Variants in CUX2 observed in about 807,000 individuals in gnomAD.
CUX2 encodes cut like homeobox 2, also known as homeobox protein cut-like 2.
A neutral mutation model predicts 144.8 loss-of-function variants in CUX2; 40 were observed. The observed-to-expected ratio is 0.28, with a 90% CI of 0.21 to 0.36. The LOEUF is 0.36. Ranked by LOEUF, CUX2 falls within the 10% of genes least tolerant of loss-of-function variation. The probability of loss-of-function intolerance (pLI) is 1.00; values close to 1 mark genes in which losing one functional copy is unlikely to be tolerated. For missense variants in CUX2, 1,615 were observed against 1,994.0 expected, an observed-to-expected ratio of 0.81 and a Z score of 3.62; for synonymous variants, 827 against 875.6, an observed-to-expected ratio of 0.94 and a Z score of 0.98.
In CUX2 at chr12:111,308,549, G is replaced by A. The variant is rs764054808; in HGVS notation, c.1258+23G>A. ...CTGGTAGGGGAGGAGGATACTCTGG[G>A]GCTGAGGGCTGGGGCGGGGGCTGCC... is the stretch of plus-strand genomic sequence containing the variant. On this transcript the variant is annotated intron_variant, in intron 14 of 21. Transcript: ENST00000261726. 5 of 1,587,080 alleles carry A rather than the reference G, an allele frequency of 3.2e-6. No homozygotes were observed. In the South Asian group the frequency reaches 5.7e-5, roughly 18 times the overall value.
intron 1 of CUX2, among the ~76,000 whole-genome samples, chr12:111,205,355 T>C (rs927310731): frequency 3.3e-5 from 5 of 152,172 alleles, no homozygotes; most frequent in Non-Finnish European, 7.4e-5. Flanking sequence ...AGCAAAATCC[T>C]GAAGGACCTC....
intron 4 of CUX2, among the ~76,000 whole-genome samples, chr12:111,267,614 C>G (rs1884450606): frequency 6.6e-6 from 1 of 152,194 alleles, no homozygotes; most frequent in Non-Finnish European, 1.5e-5. Flanking sequence ...CTTAAAACAA[C>G]AGAGATTCAT....
chr12:111,343,386 G>A (rs754145575), intron 21 of CUX2, among the ~76,000 whole-genome samples: 3 of 152,008 alleles, frequency 2.0e-5, no homozygotes, highest in Admixed American at 6.6e-5. Context: ...AGAACACTTG[G>A]GGGGATTTCA....
At chr12:111,332,935 C>G (rs575486696) in intron 18 of CUX2, among the ~76,000 whole-genome samples, 2 of 152,302 alleles carry the variant, frequency 1.3e-5, no homozygotes, top group East Asian at 3.9e-4. Context: ...TGGCCAGGTG[C>G]TGTGGCTCAC....
At chr12:111,217,849 A>G (rs1456077227) in intron 2 of CUX2, 41 bp from the exon 3 acceptor site, 1 of 1,610,152 alleles carries the variant, frequency 6.2e-7, no homozygotes, top group Admixed American at 1.7e-5. Context: ...GGGGCGTCCC[A>G]CCTGGCACTG....
chr12:111,335,969 G>A (rs1372873605), intron 19 of CUX2, among the ~76,000 whole-genome samples: 1 of 151,918 alleles, frequency 6.6e-6, no homozygotes, highest in African/African-American at 2.4e-5. Context: ...CAGGGCACTG[G>A]AGTCAGCCCC....
chr12:111,070,248 G>A (rs1592863585), intron 1 of CUX2, among the ~76,000 whole-genome samples: 1 of 152,142 alleles, frequency 6.6e-6, no homozygotes, highest in Non-Finnish European at 1.5e-5. Context: ...GCAAGTGGGG[G>A]TCTCTGGACA....
intron 21 of CUX2, among the ~76,000 whole-genome samples, chr12:111,347,035 A>G (rs1888838441): frequency 6.6e-6 from 1 of 152,218 alleles, no homozygotes. Context: ...AAAATTAATC[A>G]TAATCATTTA....
chr12:111,309,022 G>A (rs1035346483), intron 14 of CUX2, among the ~76,000 whole-genome samples: 13 of 152,020 alleles, frequency 8.6e-5, no homozygotes, highest in African/African-American at 2.9e-4. Context: ...CACCTGCCTC[G>A]GCCTCCTGAG....
Position 111,341,915 on chromosome 12 carries a change from T to C in CUX2, c.3521T>C (p.Val1174Ala), listed in dbSNP as rs1160985773. 1 of 1,614,040 alleles carries C rather than the reference T, an allele frequency of 6.2e-7. No individual in the cohort carries two copies. Among genetic ancestry groups the C allele is most frequent in the Non-Finnish European group, 8.5e-7 (1 of 1,180,012 alleles). Residue 1174 changes from valine (V) to alanine (A), a missense_variant, in exon 21 of 22, where the codon GTG becomes GCG. Val to Ala is a moderately conservative substitution (Grantham distance 64). Transcript: ENST00000261726. ...SLLQIKKPRV[V>A]LAPEEKEALR... is the part of the protein sequence containing the mutation. Reference sequence around the variant, plus strand: ...CTGCAGATCAAGAAGCCCCGGGTGGTGCTGGCACCCGAGGAGAAGGAGGCA... The same window carrying C: ...CTGCAGATCAAGAAGCCCCGGGTGGCGCTGGCACCCGAGGAGAAGGAGGCA...
intron 3 of CUX2, among the ~76,000 whole-genome samples, chr12:111,261,342 A>G (rs916682): frequency 0.43 from 64,674 of 151,682 alleles, 19,418 homozygotes; most frequent in African/African-American, 0.83. Context: ...TAAACGGTCG[A>G]TGCCATTTGT....
chr12:111,183,273 G>A (rs1879306164), intron 1 of CUX2, among the ~76,000 whole-genome samples: 1 of 152,374 alleles, frequency 6.6e-6, no homozygotes, highest in East Asian at 1.9e-4. Flanking sequence ...AAGAATGACA[G>A]GGTCAGGCTG....
chr12:111,272,090 G>A (rs1247659511), intron 4 of CUX2, among the ~76,000 whole-genome samples: 2 of 152,106 alleles, frequency 1.3e-5, no homozygotes, highest in East Asian at 3.8e-4. Flanking sequence ...AGTTTTTTTA[G>A]TACTTTTGTG....
intron 1 of CUX2, among the ~76,000 whole-genome samples, chr12:111,155,881 T>G (rs1877337996): frequency 6.6e-6 from 1 of 152,126 alleles, no homozygotes. Context: ...CACATTAGAT[T>G]GTACATTTGG....
chr12:111,201,614 C>T (rs143947875), intron 1 of CUX2, among the ~76,000 whole-genome samples: 6 of 152,254 alleles, frequency 3.9e-5, no homozygotes, highest in South Asian at 2.1e-4. Flanking sequence ...CCAAGGCTCT[C>T]GGAACCCTAC....
chr12:111,193,101 C>G (rs1033821332), intron 1 of CUX2, among the ~76,000 whole-genome samples: 3 of 152,002 alleles, frequency 2.0e-5, no homozygotes, highest in African/African-American at 7.3e-5. Context: ...GGAGTGTGAG[C>G]CAAGGCATTT....
intron 1 of CUX2, among the ~76,000 whole-genome samples, chr12:111,081,173 G>A (rs1021448987): frequency 2.6e-5 from 4 of 152,102 alleles, no homozygotes; most frequent in African/African-American, 9.7e-5. Context: ...TGATCTTTTT[G>A]TTTGCCCCCT....
chr12:111,120,971 G>A (rs1874618729), intron 1 of CUX2, among the ~76,000 whole-genome samples: 1 of 152,026 alleles, frequency 6.6e-6, no homozygotes, highest in Admixed American at 6.6e-5. Flanking sequence ...AGGTATTCCT[G>A]TTTCTACTGA....
At chr12:111,188,536 A>G (rs958558951) in intron 1 of CUX2, among the ~76,000 whole-genome samples, 2 of 152,156 alleles carry the variant, frequency 1.3e-5, no homozygotes, top group Non-Finnish European at 2.9e-5. Flanking sequence ...TATAGGAAAA[A>G]TCTAGGGAGA....
Sources: allele counts gnomAD v4.1 joint callset (sites outside exome capture counted in the v4.1 genomes callset), GRCh38; gene constraint gnomAD v4.1.1; transcripts MANE v1.5; gene names NCBI Gene and HGNC (gene_info 2026-07-23, HGNC 2026-07-21).